Variants in ALDH9A1 observed in about 807,000 individuals in gnomAD.
ALDH9A1 encodes the protein aldehyde dehydrogenase 9 family member A1.
In ALDH9A1, 42 loss-of-function variants were observed where a neutral mutation model predicts 56.6. That is an observed-to-expected ratio of 0.74 (90% CI 0.58 to 0.96). The LOEUF (loss-of-function observed/expected upper bound fraction) is 0.96, where lower values mean the gene tolerates loss of function less well. Among genes scored for constraint, ALDH9A1 ranks in the 40% least tolerant of loss-of-function variants. The pLI is 0.00. For synonymous variants in ALDH9A1, 242 were observed against 236.0 expected, an observed-to-expected ratio of 1.03 and a Z score of -0.23; for missense variants, 661 against 651.5, an observed-to-expected ratio of 1.01 and a Z score of -0.16.
At chr1:165,675,527 C>T (rs1001864902) in intron 6 of ALDH9A1, among the ~76,000 whole-genome samples, 3 of 152,172 alleles carry the variant, frequency 2.0e-5, no homozygotes, top group African/African-American at 7.2e-5. Context: ...TGGCTACCCA[C>T]AGGAGATGGA....
At chr1:165,690,518 T>C (rs903936359) in intron 2 of ALDH9A1, among the ~76,000 whole-genome samples, 1 of 152,136 alleles carries the variant, frequency 6.6e-6, no homozygotes, top group Admixed American at 6.6e-5. Flanking sequence ...AAGACGGTGA[T>C]TTCTGCATTT....
intron 2 of ALDH9A1, among the ~76,000 whole-genome samples, chr1:165,691,101 C>T (rs1649874411): frequency 1.3e-5 from 2 of 152,220 alleles, no homozygotes; most frequent in African/African-American, 4.8e-5. Flanking sequence ...AACTGGGAGA[C>T]ACCTCCCAGT....
At chr1:165,673,370 G>C (rs1265089077) in intron 6 of ALDH9A1, among the ~76,000 whole-genome samples, 1 of 152,186 alleles carries the variant, frequency 6.6e-6, no homozygotes, top group Non-Finnish European at 1.5e-5. Flanking sequence ...AATTAGTATA[G>C]GCTGCTCTGC....
intron 2 of ALDH9A1, among the ~76,000 whole-genome samples, chr1:165,691,751 T>C (rs1284563573): frequency 6.6e-6 from 1 of 151,974 alleles, no homozygotes; most frequent in Non-Finnish European, 1.5e-5. Flanking sequence ...ATCAGCCTGA[T>C]ACCAAGACAT....
chr1:165,686,898 TAACAC>T (rs1202435034), intron 2 of ALDH9A1, among the ~76,000 whole-genome samples: 9 of 151,808 alleles, frequency 5.9e-5, no homozygotes, highest in African/African-American at 2.2e-4. Context: ...CATTCAGAAA[TAACAC>T]AACAGAACTA....
Position 165,667,292 on chromosome 1 carries a change from T to G in ALDH9A1, c.1349+17A>C. 6.2e-7 allele frequency: 1 copy of G among 1,613,898 alleles called. No individual in the cohort carries two copies. Among genetic ancestry groups the G allele is most frequent in the Non-Finnish European group, 8.5e-7 (1 of 1,179,860 alleles). Reference sequence around the variant, plus strand: ...CCCGCTCCTTCAAAACTGCTCTCAGTGTCCCACTCCACATACCTGGTAAAG... The same window carrying G: ...CCCGCTCCTTCAAAACTGCTCTCAGGGTCCCACTCCACATACCTGGTAAAG... On this transcript the variant is annotated intron_variant, in intron 9 of 10. Coordinates refer to ENST00000354775, the MANE Select transcript of ALDH9A1 (RefSeq NM_000696.4).
At chr1:165,682,302 A>G in intron 3 of ALDH9A1, 61 bp from the exon 4 acceptor site, 1 of 1,567,168 alleles carries the variant, frequency 6.4e-7, no homozygotes, top group Non-Finnish European at 8.7e-7. Flanking sequence ...TTTCACCAAC[A>G]TCTGTACCAG....
chr1:165,672,815 T>C (rs1252990256), intron 6 of ALDH9A1, among the ~76,000 whole-genome samples: 1 of 151,958 alleles, frequency 6.6e-6, no homozygotes, highest in African/African-American at 2.4e-5. Context: ...CACATGCCTA[T>C]AGTCCCAGCT....
At chr1:165,670,924 T>C (rs1046843291) in intron 6 of ALDH9A1, among the ~76,000 whole-genome samples, 4 of 150,488 alleles carry the variant, frequency 2.7e-5, no homozygotes, top group Non-Finnish European at 5.9e-5. Flanking sequence ...ATACAAAAAA[T>C]TGGCTGGGTG....
chr1:165,695,685 A>G (rs1246550379), intron 1 of ALDH9A1, among the ~76,000 whole-genome samples: 2 of 150,774 alleles, frequency 1.3e-5, no homozygotes, highest in Non-Finnish European at 3.0e-5. Flanking sequence ...TTTAGTAGAG[A>G]CCGGGTTTCA....
chr1:165,671,504 G>A, intron 6 of ALDH9A1: 1 of 457,624 alleles, frequency 2.2e-6, no homozygotes, highest in Non-Finnish European at 4.3e-6. Flanking sequence ...GAATTCTTAA[G>A]TCTAAGGGAC....
chr1:165,673,319 C>A (rs530071768), intron 6 of ALDH9A1, among the ~76,000 whole-genome samples: 2 of 152,032 alleles, frequency 1.3e-5, no homozygotes, highest in Non-Finnish European at 2.9e-5. Context: ...GGTGAGGATG[C>A]GGAGAAAAGG....
intron 6 of ALDH9A1, among the ~76,000 whole-genome samples, chr1:165,670,920 A>C (rs537143169): frequency 3.2e-4 from 48 of 151,532 alleles, no homozygotes; most frequent in African/African-American, 1.2e-3. Flanking sequence ...AAAAATACAA[A>C]AAATTGGCTG....
intron 2 of ALDH9A1, among the ~76,000 whole-genome samples, chr1:165,683,465 G>A (rs1352052628): frequency 2.0e-5 from 3 of 152,168 alleles, no homozygotes; most frequent in Non-Finnish European, 4.4e-5. Context: ...AAGAGGTGAG[G>A]GGTAGAGAAT....
intron 2 of ALDH9A1, among the ~76,000 whole-genome samples, chr1:165,693,904 T>C (rs1649978498): frequency 6.6e-6 from 1 of 152,144 alleles, no homozygotes; most frequent in Admixed American, 6.5e-5. Context: ...GATGAGTTCA[T>C]GTCCTTTGCA....
intron 1 of ALDH9A1, among the ~76,000 whole-genome samples, chr1:165,697,766 C>T (rs574544912): frequency 1.3e-5 from 2 of 152,238 alleles, no homozygotes; most frequent in South Asian, 2.1e-4. Flanking sequence ...TGGTGGCTCA[C>T]GGCTGTAATC....
intron 1 of ALDH9A1, 83 bp downstream of exon 1, chr1:165,698,295 A>G: frequency 6.6e-7 from 1 of 1,514,328 alleles, no homozygotes; most frequent in Admixed American, 2.4e-5. Flanking sequence ...TCAACGCTGC[A>G]GAACACAGGA....
Position 165,679,465 on chromosome 1 carries a change from C to A in ALDH9A1, c.907G>T (p.Ala303Ser). The A allele has an allele frequency of 6.2e-7, 1 of 1,614,128 alleles. No homozygotes were observed. The highest frequency in any genetic ancestry group is 1.1e-5 in the South Asian group (1 of 91,074). The change falls in exon 6 of 11, where the codon GCC (alanine) becomes TCC (serine). Residue 303 changes from alanine to serine, a missense_variant. By Grantham distance (99) the Ala-to-Ser change is moderately conservative. Transcript: ENST00000354775. ...MNNAVKGALM[A>S]NFLTQGQVCC... ...ACCTGGCCTTGTGTGAGGAAGTTGG[C>A]CATCAGCGCCCCCTTTACAGCATTG... is the stretch of plus-strand genomic sequence containing the variant.
At chr1:165,671,960 T>C (rs1649192151) in intron 6 of ALDH9A1, among the ~76,000 whole-genome samples, 1 of 152,020 alleles carries the variant, frequency 6.6e-6, no homozygotes, top group African/African-American at 2.4e-5. Context: ...AATAAGAAAA[T>C]AACATGTGTT....
Sources: gnomAD v4.1 joint callset for allele counts (sites outside exome capture counted in the v4.1 genomes callset) on GRCh38, gnomAD v4.1.1 for gene constraint, MANE v1.5 for transcripts, NCBI Gene and HGNC (gene_info 2026-07-23, HGNC 2026-07-21) for gene names.